PDE4D: variants seen among roughly 807,000 people sequenced by gnomAD.
The protein encoded by PDE4D is 3',5'-cyclic-AMP phosphodiesterase 4D.
PDE4D carries 24 observed loss-of-function variants against 87.4 expected under a neutral mutation model. The ratio of observed to expected loss-of-function variants is 0.27; its 90% CI spans 0.20 to 0.39. The LOEUF is 0.39. PDE4D is among the 10% of genes least tolerant of loss of function. PDE4D has a pLI of 1.00. For missense variants in PDE4D, 714 were observed against 1,041.0 expected, an observed-to-expected ratio of 0.69 and a Z score of 4.32; for synonymous variants, 384 against 383.2, an observed-to-expected ratio of 1.00 and a Z score of -0.02.
At chr5:59,105,163 A>G (rs1771384165) in intron 5 of PDE4D, among the ~76,000 whole-genome samples, 1 of 152,226 alleles carries the variant, frequency 6.6e-6, no homozygotes, top group Non-Finnish European at 1.5e-5. Flanking sequence ...AGTCTGGTAT[A>G]TACACCATAT....
intron 1 of PDE4D, among the ~76,000 whole-genome samples, chr5:59,858,184 G>A (rs142729958): frequency 6.6e-6 from 1 of 152,220 alleles, no homozygotes; most frequent in African/African-American, 2.4e-5. Context: ...GTGAGTATCT[G>A]AGAGGTGAAT....
chr5:60,006,484 C>G (rs745474352), intron 2 of PDE4D, among the ~76,000 whole-genome samples: 21 of 152,006 alleles, frequency 1.4e-4, no homozygotes, highest in Non-Finnish European at 2.7e-4. Context: ...GTTTGCATCA[C>G]CATTTTACCT....
chr5:60,253,770 A>C (rs978099182), intron 1 of PDE4D, among the ~76,000 whole-genome samples: 1 of 151,904 alleles, frequency 6.6e-6, no homozygotes, highest in African/African-American at 2.4e-5. Context: ...GTATGAAATC[A>C]AAAGGAGCTA....
intron 1 of PDE4D, among the ~76,000 whole-genome samples, chr5:60,440,984 A>G (rs1400400600): frequency 1.3e-5 from 2 of 152,120 alleles, no homozygotes; most frequent in African/African-American, 4.8e-5. Flanking sequence ...AGAAATCAAG[A>G]TTCATTGAAG....
intron 1 of PDE4D, among the ~76,000 whole-genome samples, chr5:59,642,640 C>T (rs1400727637): frequency 1.3e-5 from 2 of 152,170 alleles, no homozygotes; most frequent in African/African-American, 4.8e-5. Flanking sequence ...ATTCTGAGGC[C>T]TCCCCGGCCA....
chr5:59,073,482 A>G (rs1334897886), intron 5 of PDE4D, among the ~76,000 whole-genome samples: 1 of 130,488 alleles, frequency 7.7e-6, no homozygotes, highest in Non-Finnish European at 1.6e-5. Context: ...GAAGTTGCTG[A>G]AGATACAGAA....
chr5:59,914,864 G>GA, intron 3 of PDE4D, among the ~76,000 whole-genome samples: 2 of 58,016 alleles, frequency 3.4e-5, no homozygotes, highest in Non-Finnish European at 7.1e-5. Context: ...TTTACTGATA[G>GA]GGGTGTGTGT....
intron 1 of PDE4D, among the ~76,000 whole-genome samples, chr5:59,679,618 G>C (rs1298161958): frequency 6.6e-6 from 1 of 152,086 alleles, no homozygotes; most frequent in Non-Finnish European, 1.5e-5. Flanking sequence ...TAATGTATGA[G>C]AAAGATAACC....
At chr5:59,593,682 A>T (rs544435700) in intron 1 of PDE4D, among the ~76,000 whole-genome samples, 1 of 152,216 alleles carries the variant, frequency 6.6e-6, no homozygotes, top group Non-Finnish European at 1.5e-5. Context: ...GGAGAATCAC[A>T]ACATACCGGA....
intron 5 of PDE4D, among the ~76,000 whole-genome samples, chr5:59,141,265 T>C (rs1199830368): frequency 1.3e-5 from 2 of 152,252 alleles, no homozygotes; most frequent in Non-Finnish European, 1.5e-5. Context: ...TCTTTATCTG[T>C]AGCCAAACCT....
chr5:60,086,971 A>G (rs1232554831), intron 2 of PDE4D, among the ~76,000 whole-genome samples: 2 of 152,204 alleles, frequency 1.3e-5, no homozygotes, highest in Non-Finnish European at 2.9e-5. Context: ...AATTTTTTAT[A>G]AATCCCAGGT....
chr5:60,047,334 AT>A (rs1251462286), intron 2 of PDE4D, among the ~76,000 whole-genome samples: 2 of 152,130 alleles, frequency 1.3e-5, no homozygotes, highest in South Asian at 2.1e-4. Flanking sequence ...GGATTCATTA[AT>A]TTTTTGAAGG....
At chr5:60,511,517 TTAATAATAATAATAA>T (rs150885033) in intron 1 of PDE4D, among the ~76,000 whole-genome samples, 1 of 147,744 alleles carries the variant, frequency 6.8e-6, no homozygotes, top group African/African-American at 2.5e-5. Context: ...CTATAGAAAT[TTAATAATAATAATAA>T]TAATAATAAT....
intron 1 of PDE4D, among the ~76,000 whole-genome samples, chr5:60,337,215 C>T (rs981594169): frequency 2.7e-4 from 41 of 149,936 alleles, no homozygotes; most frequent in Non-Finnish European, 5.2e-4. Context: ...CACCTATAAT[C>T]GTAGCTACTT....
chr5:60,168,350 G>A (rs1396494822), intron 2 of PDE4D, among the ~76,000 whole-genome samples: 1 of 152,194 alleles, frequency 6.6e-6, no homozygotes, highest in Admixed American at 6.5e-5. Context: ...TAATGCCTCA[G>A]TTTTTCCAAT....
chr5:60,202,893 T>C (rs1281939514), intron 1 of PDE4D, among the ~76,000 whole-genome samples: 3 of 152,116 alleles, frequency 2.0e-5, no homozygotes, highest in Non-Finnish European at 2.9e-5. Flanking sequence ...TAAACACACA[T>C]GCCCCTTGAA....
In PDE4D at chr5:59,350,635, T is replaced by C. The variant is rs143249994; in HGVS notation, c.456-134667A>G. 9.4e-4 allele frequency among the ~76,000 whole-genome samples: 143 copies of C among 152,314 alleles called. No individual in the cohort carries two copies. The Middle Eastern group carries it at 0.024, about 25-fold the overall frequency. On this transcript the variant is annotated intron_variant, in intron 1 of 14. Transcript: ENST00000340635. The stretch of plus-strand genomic sequence containing the variant: ...CACACACTCTTCCAGGCACTGGCCA[T>C]ACAAAGGTGGAAAAAAGGACAAAAA...
chr5:59,304,215 G>A (rs1770829344), intron 1 of PDE4D, among the ~76,000 whole-genome samples: 1 of 152,018 alleles, frequency 6.6e-6, no homozygotes, highest in African/African-American at 2.4e-5. Flanking sequence ...TTGGTATATA[G>A]AAGAGCTACT....
chr5:60,420,847 C>T (rs1246076245), intron 1 of PDE4D, among the ~76,000 whole-genome samples: 1 of 152,208 alleles, frequency 6.6e-6, no homozygotes, highest in Non-Finnish European at 1.5e-5. Context: ...TGCGCTTTTC[C>T]CACTGTCTTA....
Sources: gnomAD v4.1 joint callset for allele counts (sites outside exome capture counted in the v4.1 genomes callset) on GRCh38, gnomAD v4.1.1 for gene constraint, MANE v1.5 for transcripts, NCBI Gene and HGNC (gene_info 2026-07-23, HGNC 2026-07-21) for gene names.